Variants in RPS6KC1 observed in about 807,000 individuals in gnomAD.
The protein encoded by RPS6KC1 is ribosomal protein S6 kinase C1, also known as inactive ribosomal protein S6 kinase delta-1.
Under a neutral mutation model 103.8 loss-of-function variants are expected in RPS6KC1, and 54 were observed. The ratio of observed to expected loss-of-function variants is 0.52; its 90% CI spans 0.42 to 0.65. RPS6KC1 has a LOEUF of 0.65. Among genes scored for constraint, RPS6KC1 ranks in the 30% least tolerant of loss-of-function variants. RPS6KC1 has a pLI of 0.00. For synonymous variants in RPS6KC1, 439 were observed against 438.7 expected (o/e 1.00, Z -0.01); for missense variants, 1,151 against 1,253.8 (o/e 0.92, Z 1.24).
chr1:213,787,967 G>A, the RPS6KC1 span, among the ~76,000 whole-genome samples: 1 of 152,122 alleles, frequency 6.6e-6, no homozygotes, highest in African/African-American at 2.4e-5. Context: ...AGTATAAGCA[G>A]GAGAAGCAAG....
the RPS6KC1 span, among the ~76,000 whole-genome samples, chr1:213,741,192 A>T: frequency 1.3e-5 from 2 of 151,738 alleles, no homozygotes; most frequent in Non-Finnish European, 2.9e-5. Context: ...TACATTGTGG[A>T]ATGATTAAAT....
chr1:213,806,354 A>T, the RPS6KC1 span, among the ~76,000 whole-genome samples: 163 of 152,270 alleles, frequency 1.1e-3, no homozygotes, highest in African/African-American at 3.9e-3. Context: ...TAAATAAAAT[A>T]AAAAGAAAAA....
the RPS6KC1 span, among the ~76,000 whole-genome samples, chr1:213,634,795 T>TA: frequency 1.1e-3 from 154 of 141,558 alleles, 1 homozygote; most frequent in Middle Eastern, 7.0e-3. Flanking sequence ...TCCATAAAGT[T>TA]AAAAAAAAAA....
intron 4 of RPS6KC1, among the ~76,000 whole-genome samples, chr1:213,105,713 G>C (rs1264250572): frequency 1.3e-5 from 2 of 152,192 alleles, no homozygotes; most frequent in East Asian, 3.8e-4. Flanking sequence ...AAACTAGGCT[G>C]AGATAATAAA....
At chr1:213,123,721 T>C (rs1469547280) in intron 5 of RPS6KC1, among the ~76,000 whole-genome samples, 1 of 152,174 alleles carries the variant, frequency 6.6e-6, no homozygotes, top group Non-Finnish European at 1.5e-5. Context: ...ACTTGCTTTG[T>C]GCATGGCGCA....
the RPS6KC1 span, among the ~76,000 whole-genome samples, chr1:213,329,025 G>T: frequency 6.6e-6 from 1 of 152,096 alleles, no homozygotes; most frequent in Non-Finnish European, 1.5e-5. Flanking sequence ...TGGTGCTGGT[G>T]GTACCTTTCT....
the RPS6KC1 span, among the ~76,000 whole-genome samples, chr1:213,532,402 T>C: frequency 1.3e-5 from 2 of 152,054 alleles, no homozygotes; most frequent in African/African-American, 4.8e-5. Context: ...TGTTTTTCTG[T>C]GGAAAAAAAA....
chr1:213,186,294 G>T (rs1307303051), intron 8 of RPS6KC1, among the ~76,000 whole-genome samples: 1 of 147,992 alleles, frequency 6.8e-6, no homozygotes, highest in Non-Finnish European at 1.5e-5. Flanking sequence ...TTCAGCTTTA[G>T]TTTGAGAAAT....
At chr1:213,211,712 A>T (rs1188685533) in intron 8 of RPS6KC1, among the ~76,000 whole-genome samples, 3 of 152,212 alleles carry the variant, frequency 2.0e-5, no homozygotes, top group Non-Finnish European at 4.4e-5. Context: ...GACATCATTG[A>T]GGAATGGCTT....
the RPS6KC1 span, among the ~76,000 whole-genome samples, chr1:213,826,214 A>AT: frequency 2.0e-5 from 3 of 152,326 alleles, no homozygotes; most frequent in South Asian, 2.1e-4. Context: ...TCATAATAGA[A>AT]TTTTTTTAAG....
chr1:213,317,610 G>A, the RPS6KC1 span, among the ~76,000 whole-genome samples: 90 of 152,224 alleles, frequency 5.9e-4, no homozygotes, highest in African/African-American at 2.1e-3. Context: ...ATTTGGGGAG[G>A]GGGACAAAAA....
chr1:213,118,754 G>C (rs73086358), intron 5 of RPS6KC1, among the ~76,000 whole-genome samples: 5,519 of 151,898 alleles, frequency 0.036, 306 homozygotes, highest in African/African-American at 0.13. Flanking sequence ...TTAGTGTTCT[G>C]TGTAATGCAT....
chr1:213,624,654 A>G, the RPS6KC1 span, among the ~76,000 whole-genome samples: 7 of 152,166 alleles, frequency 4.6e-5, no homozygotes, highest in African/African-American at 1.7e-4. Flanking sequence ...CACTGCCCAT[A>G]GGCCCAGCCA....
chr1:213,129,133 AAAAC>A (rs1467609097), intron 5 of RPS6KC1, among the ~76,000 whole-genome samples: 1 of 152,210 alleles, frequency 6.6e-6, no homozygotes, highest in Admixed American at 6.5e-5. Flanking sequence ...CTCAAAAACA[AAAAC>A]AAAACAAAAA....
At chr1:213,265,803 G>A (rs2094898545) in intron 14 of RPS6KC1, among the ~76,000 whole-genome samples, 1 of 152,228 alleles carries the variant, frequency 6.6e-6, no homozygotes, top group African/African-American at 2.4e-5. Context: ...TAATACCCAA[G>A]TGAAGTAATA....
intron 3 of RPS6KC1, among the ~76,000 whole-genome samples, chr1:213,088,824 G>A (rs1277214796): frequency 6.6e-6 from 1 of 152,132 alleles, no homozygotes; most frequent in Non-Finnish European, 1.5e-5. Context: ...AGTCTACATG[G>A]AACAGGGGTT....
At chr1:213,657,666 T>A in the RPS6KC1 span, among the ~76,000 whole-genome samples, 1 of 152,120 alleles carries the variant, frequency 6.6e-6, no homozygotes, top group African/African-American at 2.4e-5. Flanking sequence ...ATGTGAATAA[T>A]GAATAACAGG....
chr1:213,209,017 A>G (rs973265402), intron 8 of RPS6KC1, among the ~76,000 whole-genome samples: 4 of 151,784 alleles, frequency 2.6e-5, no homozygotes, highest in East Asian at 1.9e-4. Context: ...TCCTTTCTCT[A>G]TTGGTTCAAC....
chr1:213,362,272 GA>G, the RPS6KC1 span, among the ~76,000 whole-genome samples: 1 of 152,178 alleles, frequency 6.6e-6, no homozygotes, highest in African/African-American at 2.4e-5. Flanking sequence ...GAACATCATG[GA>G]GAGTTAAAAG....
Sources: allele counts gnomAD v4.1 joint callset (sites outside exome capture counted in the v4.1 genomes callset), GRCh38; gene constraint gnomAD v4.1.1; transcripts MANE v1.5; gene names NCBI Gene and HGNC (gene_info 2026-07-23, HGNC 2026-07-21).